Variants in GULP1 observed in about 807,000 individuals in gnomAD.
The protein encoded by GULP1 is GULP PTB domain containing engulfment adaptor 1.
In GULP1, 19 loss-of-function variants were observed where a neutral mutation model predicts 40.9. That is an observed-to-expected ratio of 0.46 (90% CI 0.32 to 0.68). The LOEUF (loss-of-function observed/expected upper bound fraction) is 0.68. Among genes scored for constraint, GULP1 ranks in the 30% least tolerant of loss-of-function variants. The pLI is 0.03. For missense variants in GULP1, 312 were observed against 362.2 expected (o/e 0.86, Z 1.12); for synonymous variants, 119 against 117.6 (o/e 1.01, Z -0.08).
At chr2:188,513,295 A>G (rs938329646) in intron 4 of GULP1, among the ~76,000 whole-genome samples, 3 of 152,154 alleles carry the variant, frequency 2.0e-5, no homozygotes, top group African/African-American at 4.8e-5. Flanking sequence ...CTTACCTTTT[A>G]TAATCTAATA....
In GULP1 at chr2:188,382,745, G is replaced by A. The variant is rs74952873; in HGVS notation, c.-171-1018G>A. Among the ~76,000 whole-genome samples the A allele has an allele frequency of 2.2e-4, 33 of 152,212 alleles. No homozygotes were observed. In the East Asian group the frequency reaches 6.2e-3, roughly 29 times the overall value. ...TACTAAAAATACAAAAATTAGCCGG[G>A]CATGATGCCACACAGTTGTATTCCC... On this transcript the variant is annotated intron_variant, in intron 1 of 11. Transcript: ENST00000409830.
chr2:188,516,094 A>G (rs894651735), intron 4 of GULP1, among the ~76,000 whole-genome samples: 2 of 151,984 alleles, frequency 1.3e-5, no homozygotes, highest in African/African-American at 4.8e-5. Flanking sequence ...TTTATTCGTC[A>G]TATCTGTAGT....
At chr2:188,314,352 T>C (rs1390376400) in intron 1 of GULP1, among the ~76,000 whole-genome samples, 1 of 152,188 alleles carries the variant, frequency 6.6e-6, no homozygotes, top group African/African-American at 2.4e-5. Context: ...GTGCAAATTT[T>C]TTCTTTTAAT....
intron 2 of GULP1, among the ~76,000 whole-genome samples, chr2:188,425,834 A>G (rs2056119469): frequency 6.6e-6 from 1 of 152,206 alleles, no homozygotes; most frequent in South Asian, 2.1e-4. Context: ...CATCACATGA[A>G]ATAGCTCCTG....
At chr2:188,541,453 A>AG (rs1214312506) in intron 7 of GULP1, 135 bp downstream of exon 7, 1 of 780,036 alleles carries the variant, frequency 1.3e-6, no homozygotes, top group East Asian at 2.6e-5. Flanking sequence ...GTAAATACTT[A>AG]GCTGTACTAA....
intron 4 of GULP1, among the ~76,000 whole-genome samples, chr2:188,520,479 G>A (rs1418349567): frequency 4.0e-5 from 6 of 149,602 alleles, no homozygotes; most frequent in African/African-American, 7.4e-5. Context: ...GCAGTGAGCC[G>A]AGGTTGCACC....
intron 6 of GULP1, among the ~76,000 whole-genome samples, chr2:188,533,172 A>G (rs1049423566): frequency 6.6e-6 from 1 of 152,190 alleles, no homozygotes; most frequent in African/African-American, 2.4e-5. Flanking sequence ...ATATTTGTAA[A>G]TACAAAGACA....
At chr2:188,366,734 C>T (rs1401089383) in intron 1 of GULP1, among the ~76,000 whole-genome samples, 2 of 151,876 alleles carry the variant, frequency 1.3e-5, no homozygotes, top group Admixed American at 1.3e-4. Flanking sequence ...GCTGGGACTA[C>T]AGGCGCCCGC....
At chr2:188,394,273 T>C (rs539129673) in intron 2 of GULP1, among the ~76,000 whole-genome samples, 2 of 152,264 alleles carry the variant, frequency 1.3e-5, no homozygotes, top group South Asian at 4.1e-4. Context: ...AAAAGCTTTG[T>C]CTTTGAGCTC....
intron 2 of GULP1, among the ~76,000 whole-genome samples, chr2:188,435,553 T>C (rs557730166): frequency 1.1e-4 from 17 of 152,214 alleles, no homozygotes; most frequent in African/African-American, 4.1e-4. Context: ...TGCTTAAAAT[T>C]ACAGCCATTT....
At chr2:188,441,451 C>G (rs1368215419) in intron 2 of GULP1, among the ~76,000 whole-genome samples, 1 of 152,174 alleles carries the variant, frequency 6.6e-6, no homozygotes, top group Non-Finnish European at 1.5e-5. Flanking sequence ...TTGCCCTCCT[C>G]TAAATCCAGC....
chr2:188,416,847 C>T (rs1009833940), intron 2 of GULP1, among the ~76,000 whole-genome samples: 1 of 152,130 alleles, frequency 6.6e-6, no homozygotes, highest in African/African-American at 2.4e-5. Flanking sequence ...GTTAGGAAAA[C>T]AGTTTGAGTA....
At chr2:188,494,824 C>T (rs545555493) in intron 4 of GULP1, among the ~76,000 whole-genome samples, 1 of 151,980 alleles carries the variant, frequency 6.6e-6, no homozygotes, top group African/African-American at 2.4e-5. Flanking sequence ...TTTTTTCTCA[C>T]AATCTCTTTC....
rs560454858 is a variant in GULP1 at position 188,318,730 on chromosome 2, C to T, written c.-172+26564C>T. ...GTTATTACCCTTTTCCTAGAAATTT[C>T]TGCATAATCTGCCCCTTAATTTGCA... is the stretch of plus-strand genomic sequence containing the variant. On this transcript the variant is annotated intron_variant, in intron 1 of 11. Coordinates refer to ENST00000409830, the MANE Select transcript of GULP1 (RefSeq NM_016315.4). Among the ~76,000 whole-genome samples the T allele has an allele frequency of 2.6e-5, 4 of 152,264 alleles. No homozygotes were observed. The South Asian group carries it at 8.3e-4, about 32-fold the overall frequency.
chr2:188,467,638 C>G (rs2060235174), intron 2 of GULP1, among the ~76,000 whole-genome samples: 1 of 152,054 alleles, frequency 6.6e-6, no homozygotes, highest in African/African-American at 2.4e-5. Context: ...AAAAAAATCT[C>G]AGCTATTATA....
chr2:188,305,081 C>G (rs1439222281), intron 1 of GULP1, among the ~76,000 whole-genome samples: 5 of 152,164 alleles, frequency 3.3e-5, no homozygotes, highest in African/African-American at 1.2e-4. Context: ...TTCTGACCCA[C>G]TGACTTCAAG....
intron 1 of GULP1, among the ~76,000 whole-genome samples, chr2:188,357,209 G>A (rs1410173345): frequency 6.6e-6 from 1 of 152,078 alleles, no homozygotes; most frequent in African/African-American, 2.4e-5. Flanking sequence ...AGACAAATGG[G>A]ATTATATCAA....
chr2:188,352,618 T>TCTCACACACACACA lies in GULP1; in HGVS notation c.-171-31144_-171-31143insTCACACACACACAC, dbSNP rs578003996. Among the ~76,000 whole-genome samples the TCTCACACACACACA allele has an allele frequency of 3.2e-3, 428 of 134,490 alleles. 2 individuals are homozygous for TCTCACACACACACA. The highest frequency in any genetic ancestry group is 0.013 in the East Asian group (54 of 4,300). 88.2% of individuals were successfully genotyped at this position (134,490 alleles called of 152,430 possible). A position where few individuals can be genotyped will look rare whatever the true frequency, so the allele number is the denominator to read the frequency against. On this transcript the variant is annotated intron_variant, in intron 1 of 11. Coordinates refer to ENST00000409830, the MANE Select transcript of GULP1 (RefSeq NM_016315.4). ...TGCTCTCTTTCTCTCTCTCTCTCTC[T>TCTCACACACACACA]CACACACACACACACACACACACAC...
At chr2:188,325,627 C>T (rs886365929) in intron 1 of GULP1, among the ~76,000 whole-genome samples, 4 of 151,722 alleles carry the variant, frequency 2.6e-5, no homozygotes, top group South Asian at 2.1e-4. Context: ...ATTTGTAGAC[C>T]GGTAGAGCCA....
Sources: allele counts gnomAD v4.1 joint callset (sites outside exome capture counted in the v4.1 genomes callset), GRCh38; gene constraint gnomAD v4.1.1; transcripts MANE v1.5; gene names NCBI Gene and HGNC (gene_info 2026-07-23, HGNC 2026-07-21).